The following NAALADL2 variants were observed in gnomAD, a reference collection of about 807,000 sequenced individuals.
NAALADL2 encodes N-acetylated alpha-linked acidic dipeptidase like 2, also known as inactive N-acetylated-alpha-linked acidic dipeptidase-like protein 2.
A neutral mutation model predicts 87.2 loss-of-function variants in NAALADL2; 76 were observed. The ratio of observed to expected loss-of-function variants is 0.87; its 90% CI spans 0.72 to 1.05. NAALADL2 has a LOEUF of 1.05. NAALADL2 is among the 50% of genes least tolerant of loss of function. The pLI is 0.00. For synonymous variants in NAALADL2, 354 were observed against 331.0 expected, an observed-to-expected ratio of 1.07 and a Z score of -0.75; for missense variants, 1,089 against 945.8, an observed-to-expected ratio of 1.15 and a Z score of -1.99.
chr3:174,715,274 T>C (rs1394564505), intron 2 of NAALADL2, among the ~76,000 whole-genome samples: 1 of 152,214 alleles, frequency 6.6e-6, no homozygotes, highest in Non-Finnish European at 1.5e-5. Flanking sequence ...ACAACCAGTT[T>C]ATTTTAGCAG....
At chr3:175,199,006 A>G (rs1217024051) in intron 2 of NAALADL2, among the ~76,000 whole-genome samples, 1 of 152,136 alleles carries the variant, frequency 6.6e-6, no homozygotes, top group Non-Finnish European at 1.5e-5. Flanking sequence ...GACATTGTAG[A>G]CTTAAATTTT....
intron 11 of NAALADL2, among the ~76,000 whole-genome samples, chr3:175,696,261 G>T (rs1007970997): frequency 4.1e-4 from 62 of 152,106 alleles, no homozygotes; most frequent in Admixed American, 3.9e-3. Flanking sequence ...CCAGACATAG[G>T]CCTTCCCTTG....
chr3:174,681,102 C>A (rs1481614647), intron 2 of NAALADL2, among the ~76,000 whole-genome samples: 2 of 152,130 alleles, frequency 1.3e-5, no homozygotes, highest in Non-Finnish European at 2.9e-5. Flanking sequence ...GAAAGAAACA[C>A]TGGGCAGAAC....
chr3:174,892,327 A>G (rs1231960101), intron 1 of NAALADL2, among the ~76,000 whole-genome samples: 2 of 152,168 alleles, frequency 1.3e-5, no homozygotes, highest in Admixed American at 6.5e-5. Context: ...ATTCAAGACA[A>G]CACAGAGAAG....
chr3:174,674,933 G>T (rs150562429), intron 2 of NAALADL2, among the ~76,000 whole-genome samples: 10 of 152,066 alleles, frequency 6.6e-5, no homozygotes, highest in African/African-American at 2.4e-4. Context: ...TTTTCTGTCA[G>T]TCAGTAGTCT....
At chr3:174,852,503 A>G (rs1035088009) in intron 3 of NAALADL2, among the ~76,000 whole-genome samples, 7 of 152,168 alleles carry the variant, frequency 4.6e-5, no homozygotes, top group African/African-American at 1.7e-4. Flanking sequence ...GAATAAACTT[A>G]ACCAAATAAG....
At chr3:175,169,443 G>A (rs959848107) in intron 2 of NAALADL2, among the ~76,000 whole-genome samples, 1 of 141,318 alleles carries the variant, frequency 7.1e-6, no homozygotes, top group Non-Finnish European at 1.6e-5. Context: ...ATAACTAAGA[G>A]GGTAGTTGTA....
chr3:175,095,645 C>T (rs1406314861), intron 1 of NAALADL2, among the ~76,000 whole-genome samples: 2 of 151,990 alleles, frequency 1.3e-5, no homozygotes, highest in African/African-American at 4.8e-5. Context: ...TGCATAATGC[C>T]ACTCCCTTTG....
chr3:175,570,655 C>T (rs1210264100), intron 9 of NAALADL2, among the ~76,000 whole-genome samples: 5 of 151,976 alleles, frequency 3.3e-5, no homozygotes, highest in Non-Finnish European at 5.9e-5. Flanking sequence ...CCGAGGCGGG[C>T]GGATCACGAG....
At position 174,541,032 on chromosome 3, in the gene NAALADL2, A is replaced by G. The variant is rs1236577861; in HGVS notation, c.-183-9537A>G. 4.6e-5 allele frequency among the ~76,000 whole-genome samples: 7 copies of G among 152,282 alleles called. No homozygotes were observed. In the South Asian group the frequency reaches 1.2e-3, roughly 27 times the overall value. ...GTTTGGAACATATTAGATCTACTGG[A>G]AGTAAGGTTTTGCATCCAGTAGAAA... On this transcript the variant is annotated intron_variant, in intron 1 of 3. Coordinates refer to the NAALADL2 transcript ENST00000434257.
intron 4 of NAALADL2, among the ~76,000 whole-genome samples, chr3:175,316,297 G>C (rs1759129640): frequency 6.6e-6 from 1 of 152,138 alleles, no homozygotes; most frequent in African/African-American, 2.4e-5. Context: ...TGGAGTCTGT[G>C]CACGGTATTC....
At chr3:174,814,018 A>G (rs1441048043) in intron 3 of NAALADL2, among the ~76,000 whole-genome samples, 1 of 152,188 alleles carries the variant, frequency 6.6e-6, no homozygotes, top group Admixed American at 6.5e-5. Flanking sequence ...TATTTCATAT[A>G]GAAGTTTAAT....
At chr3:175,380,227 A>G (rs940095266) in intron 5 of NAALADL2, among the ~76,000 whole-genome samples, 7 of 152,124 alleles carry the variant, frequency 4.6e-5, no homozygotes, top group African/African-American at 1.7e-4. Context: ...TAAATTAATT[A>G]AAAAAATACT....
intron 1 of NAALADL2, among the ~76,000 whole-genome samples, chr3:174,950,712 G>A (rs140112323): frequency 8.9e-4 from 136 of 152,132 alleles, no homozygotes; most frequent in African/African-American, 3.2e-3. Context: ...ATTTTAGCAT[G>A]CCACTATAAA....
At chr3:175,538,701 T>C (rs1711742695) in intron 9 of NAALADL2, among the ~76,000 whole-genome samples, 2 of 152,214 alleles carry the variant, frequency 1.3e-5, no homozygotes, top group East Asian at 1.9e-4. Context: ...GTACAACCTA[T>C]GTAAATTTTT....
chr3:175,800,221 G>A lies in NAALADL2; in HGVS notation c.2190-2784G>A, dbSNP rs74318792. On this transcript the variant is annotated intron_variant, in intron 13 of 13. Coordinates refer to ENST00000454872, the MANE Select transcript of NAALADL2 (RefSeq NM_207015.3). ...AGAGGCAGTTCTATCCCTCTTTTAC[G>A]TGCTCCTTGGGCTACAGAGCTTCTA... Among the ~76,000 whole-genome samples, 204 of 152,002 alleles carry A rather than the reference G, an allele frequency of 1.3e-3. 2 individuals carry two copies. In the East Asian group the frequency reaches 0.017, roughly 13 times the overall value.
intron 5 of NAALADL2, among the ~76,000 whole-genome samples, chr3:175,372,261 C>G (rs1766601033): frequency 6.6e-6 from 1 of 152,064 alleles, no homozygotes; most frequent in African/African-American, 2.4e-5. Flanking sequence ...TGACCTAATA[C>G]CTAGCTATAT....
chr3:175,671,176 GA>G (rs1215252025), intron 11 of NAALADL2, among the ~76,000 whole-genome samples: 2 of 150,766 alleles, frequency 1.3e-5, no homozygotes, highest in Admixed American at 6.6e-5. Context: ...CAAAGGAAGT[GA>G]AAAAAATAAC....
At chr3:174,785,657 T>C (rs971658312) in intron 3 of NAALADL2, among the ~76,000 whole-genome samples, 2 of 152,298 alleles carry the variant, frequency 1.3e-5, no homozygotes, top group Non-Finnish European at 2.9e-5. Flanking sequence ...ACACGTGATG[T>C]TGTGTTGCTA....
Sources: gnomAD v4.1 joint callset for allele counts (sites outside exome capture counted in the v4.1 genomes callset) on GRCh38, gnomAD v4.1.1 for gene constraint, MANE v1.5 for transcripts, NCBI Gene and HGNC (gene_info 2026-07-23, HGNC 2026-07-21) for gene names.